Variants in ASTN2 observed in about 807,000 individuals in gnomAD.
The protein encoded by ASTN2 is astrotactin-2.
ASTN2 carries 54 observed loss-of-function variants against 139.8 expected under a neutral mutation model. The ratio of observed to expected loss-of-function variants is 0.39; its 90% CI spans 0.31 to 0.48. The LOEUF is 0.48. ASTN2 is among the 20% of genes least tolerant of loss of function. The pLI is 0.95. For synonymous variants in ASTN2, 756 were observed against 719.5 expected (o/e 1.05, Z -0.81); for missense variants, 1,565 against 1,725.1 (o/e 0.91, Z 1.64).
intron 1 of ASTN2, among the ~76,000 whole-genome samples, chr9:117,403,017 G>T (rs1357317657): frequency 6.6e-6 from 1 of 152,184 alleles, no homozygotes; most frequent in African/African-American, 2.4e-5. Flanking sequence ...AGAGCCTCGA[G>T]GGAGGAAAGG....
At chr9:116,789,878 C>A (rs1488163916) in intron 13 of ASTN2, among the ~76,000 whole-genome samples, 2 of 151,710 alleles carry the variant, frequency 1.3e-5, no homozygotes, top group African/African-American at 2.4e-5. Context: ...ACTAATACTC[C>A]CACATCTTTA....
chr9:116,431,337 G>A (rs1847490169), intron 22 of ASTN2, among the ~76,000 whole-genome samples: 1 of 152,082 alleles, frequency 6.6e-6, no homozygotes, highest in Non-Finnish European at 1.5e-5. Flanking sequence ...TGTGTTAGCT[G>A]TCCCGAAGCT....
At chr9:116,716,279 T>A (rs970687111) in intron 16 of ASTN2, among the ~76,000 whole-genome samples, 3 of 152,178 alleles carry the variant, frequency 2.0e-5, no homozygotes, top group African/African-American at 7.2e-5. Flanking sequence ...CTTTAGGTAA[T>A]GATGCACACA....
chr9:117,016,789 T>C (rs1588484122), intron 6 of ASTN2, among the ~76,000 whole-genome samples: 1 of 73,264 alleles, frequency 1.4e-5, no homozygotes, highest in South Asian at 4.3e-4. Flanking sequence ...TATATATAGG[T>C]TATATATAGG....
At chr9:116,597,299 ATTTTTTTTTTTTTTT>A (rs757848093) in intron 19 of ASTN2, among the ~76,000 whole-genome samples, 2 of 75,532 alleles carry the variant, frequency 2.6e-5, no homozygotes, top group Non-Finnish European at 2.4e-5. Flanking sequence ...CTTTTGATCT[ATTTTTTTTTTTTTTT>A]TTTTTTTTTG....
intron 5 of ASTN2, among the ~76,000 whole-genome samples, chr9:117,043,921 AAAG>A (rs1838657992): frequency 1.4e-5 from 2 of 147,354 alleles, no homozygotes; most frequent in African/African-American, 2.5e-5. Context: ...AAAAAAAAAA[AAAG>A]AAAAGAAAAG....
chr9:117,075,648 A>G (rs1028219601), intron 5 of ASTN2, among the ~76,000 whole-genome samples: 32 of 152,122 alleles, frequency 2.1e-4, no homozygotes, highest in Admixed American at 6.6e-4. Context: ...TTCTAGTGTG[A>G]CTTTGTGACC....
intron 19 of ASTN2, among the ~76,000 whole-genome samples, chr9:116,514,714 C>G (rs1408402500): frequency 6.6e-6 from 1 of 152,210 alleles, no homozygotes; most frequent in Non-Finnish European, 1.5e-5. Flanking sequence ...CCTCCCCCAG[C>G]CTCGCTGCTG....
At chr9:116,534,610 C>T (rs746088047) in intron 19 of ASTN2, among the ~76,000 whole-genome samples, 7 of 152,122 alleles carry the variant, frequency 4.6e-5, no homozygotes, top group Non-Finnish European at 7.3e-5. Flanking sequence ...GCCTTCATTT[C>T]GTTATGTACC....
At chr9:117,317,478 T>C (rs1444801921) in intron 1 of ASTN2, among the ~76,000 whole-genome samples, 2 of 152,198 alleles carry the variant, frequency 1.3e-5, no homozygotes, top group Non-Finnish European at 2.9e-5. Flanking sequence ...AATACACTAA[T>C]GAATGTAAGT....
At chr9:116,741,016 A>G (rs1829085412) in intron 13 of ASTN2, among the ~76,000 whole-genome samples, 1 of 152,006 alleles carries the variant, frequency 6.6e-6, no homozygotes, top group South Asian at 2.1e-4. Context: ...CAGAAATCCT[A>G]CAAAGCATTT....
At chr9:117,117,948 A>T in intron 4 of ASTN2, among the ~76,000 whole-genome samples, 1 of 152,088 alleles carries the variant, frequency 6.6e-6, no homozygotes, top group Non-Finnish European at 1.5e-5. Flanking sequence ...AATGTAGGGG[A>T]AACCCCTTTT....
At chr9:116,502,711 G>T (rs1849917383) in intron 19 of ASTN2, among the ~76,000 whole-genome samples, 1 of 46,388 alleles carries the variant, frequency 2.2e-5, no homozygotes, top group African/African-American at 8.3e-5. Flanking sequence ...AGGAAGGAAG[G>T]AAGGAAGGAA....
At chr9:116,543,577 G>A (rs1168639111) in intron 19 of ASTN2, 3 of 152,164 alleles carry the variant, frequency 2.0e-5, no homozygotes, top group Non-Finnish European at 4.4e-5. Context: ...ACTCACTGCT[G>A]TGCCATATCC....
intron 1 of ASTN2, among the ~76,000 whole-genome samples, chr9:117,339,834 G>C (rs966402580): frequency 6.6e-6 from 1 of 151,310 alleles, no homozygotes; most frequent in African/African-American, 2.4e-5. Context: ...GACTCTCTGA[G>C]GACCACATGC....
chr9:116,666,658 C>T (rs1858880389), intron 16 of ASTN2, among the ~76,000 whole-genome samples: 1 of 151,888 alleles, frequency 6.6e-6, no homozygotes, highest in African/African-American at 2.4e-5. Flanking sequence ...TTATTTTATG[C>T]ATTTTAAAAT....
chr9:116,945,307 C>T (rs1018919678), intron 10 of ASTN2, among the ~76,000 whole-genome samples: 1 of 152,166 alleles, frequency 6.6e-6, no homozygotes, highest in Non-Finnish European at 1.5e-5. Flanking sequence ...GGATGGGGCT[C>T]ACCTTTCCCT....
intron 5 of ASTN2, among the ~76,000 whole-genome samples, chr9:117,086,084 A>G (rs534511947): frequency 4.6e-5 from 7 of 152,340 alleles, no homozygotes; most frequent in African/African-American, 1.7e-4. Context: ...AGATAATTCA[A>G]TAAAACTAAT....
chr9:116,533,135 G>T (rs1429538848), intron 19 of ASTN2, among the ~76,000 whole-genome samples: 2 of 152,148 alleles, frequency 1.3e-5, no homozygotes, highest in African/African-American at 4.8e-5. Flanking sequence ...GTGAATGGGA[G>T]TTCACTTATG....
Sources: gnomAD v4.1 joint callset for allele counts (sites outside exome capture counted in the v4.1 genomes callset) on GRCh38, gnomAD v4.1.1 for gene constraint, MANE v1.5 for transcripts, NCBI Gene and HGNC (gene_info 2026-07-23, HGNC 2026-07-21) for gene names.